Variants in MYO10 observed in about 807,000 individuals in gnomAD.
The protein encoded by MYO10 is myosin X, also known as unconventional myosin-X.
Under a neutral mutation model 257.3 loss-of-function variants are expected in MYO10, and 133 were observed. The ratio of observed to expected loss-of-function variants is 0.52; its 90% CI spans 0.45 to 0.60. The LOEUF (loss-of-function observed/expected upper bound fraction) is 0.60, where lower values mean the gene tolerates loss of function less well. Among genes scored for constraint, MYO10 ranks in the 20% least tolerant of loss-of-function variants. MYO10 has a pLI of 0.00. For synonymous variants in MYO10, 1,104 were observed against 1,028.6 expected (o/e 1.07, Z -1.40); for missense variants, 2,399 against 2,635.7 (o/e 0.91, Z 1.97).
At chr5:16,920,615 C>T (rs1020000145) in intron 1 of MYO10, among the ~76,000 whole-genome samples, 19 of 152,234 alleles carry the variant, frequency 1.2e-4, no homozygotes, top group Admixed American at 1.1e-3. Flanking sequence ...TGTGATAACA[C>T]TGTTCAGAAT....
At chr5:16,726,114 G>A (rs532464949) in intron 19 of MYO10, among the ~76,000 whole-genome samples, 101 of 152,256 alleles carry the variant, frequency 6.6e-4, no homozygotes, top group Middle Eastern at 6.8e-3. Flanking sequence ...TTAAATCCTT[G>A]CAGATCATGC....
intron 1 of MYO10, chr5:16,915,999 A>G (rs1745805857): frequency 2.2e-6 from 1 of 454,464 alleles, no homozygotes; most frequent in Non-Finnish European, 4.4e-6. Flanking sequence ...TACATTTCTT[A>G]TCCTGAATCT....
rs1353625607 is a variant in MYO10 at position 16,683,184 on chromosome 5, AC to A, written c.4046+695del. On this transcript the variant is annotated intron_variant, in intron 30 of 40. Coordinates refer to ENST00000513610, the MANE Select transcript of MYO10 (RefSeq NM_012334.3). ...ACTATATTTTGTTGTCAATTTTAAC[AC>A]ACTCGTATTCACTTTCCAGCATCTT... 5.9e-5 allele frequency among the ~76,000 whole-genome samples: 9 copies of A among 152,326 alleles called. No homozygotes were observed. The East Asian group carries it at 1.7e-3, about 29-fold the overall frequency.
At chr5:16,783,183 T>C (rs767197521) in intron 5 of MYO10, among the ~76,000 whole-genome samples, 152 bp downstream of exon 5, 1 of 152,182 alleles carries the variant, frequency 6.6e-6, no homozygotes, top group Non-Finnish European at 1.5e-5. Flanking sequence ...GAGATATTAC[T>C]ATGTGCATGG....
intron 35 of MYO10, 78 bp downstream of exon 35, chr5:16,674,775 T>G: frequency 1.3e-6 from 2 of 1,522,640 alleles, no homozygotes; most frequent in Non-Finnish European, 1.8e-6. Context: ...CAAAAGCCTC[T>G]TTATCTGAAC....
In MYO10 at chr5:16,823,446, C is replaced by CAGGGGGGGGGG. The variant is rs1554000155; in HGVS notation, c.121-5280_121-5279insCCCCCCCCCCT. 7.2e-4 allele frequency among the ~76,000 whole-genome samples: 3 copies of CAGGGGGGGGGG among 4,192 alleles called. 1 individual carries two copies. Among genetic ancestry groups the CAGGGGGGGGGG allele is most frequent in the Non-Finnish European group, 5.7e-4 (1 of 1,752 alleles). The allele number at this position is 4,192 out of a possible 152,430, so 2.8% of individuals were successfully genotyped here. On this transcript the variant is annotated intron_variant, in intron 2 of 40. Transcript: ENST00000513610. Reference sequence around the variant, plus strand: ...GATGACAGGGCAAGACTCCATCTTGCGCGGGGGGGGGGGGAGTGGGGATTT... The same window carrying CAGGGGGGGGGG: ...GATGACAGGGCAAGACTCCATCTTGCAGGGGGGGGGGGCGGGGGGGGGGGGAGTGGGGATTT...
At chr5:16,808,195 A>C (rs1411646897) in intron 3 of MYO10, among the ~76,000 whole-genome samples, 1 of 152,142 alleles carries the variant, frequency 6.6e-6, no homozygotes, top group Non-Finnish European at 1.5e-5. Context: ...ACGTGTAGTG[A>C]CTCATGCCTG....
chr5:16,762,727 G>T, intron 14 of MYO10, 90 bp from the exon 15 acceptor site: 1 of 892,792 alleles, frequency 1.1e-6, no homozygotes, highest in Non-Finnish European at 1.7e-6. Context: ...ACTTTGGGAA[G>T]CCAAGATGGG....
At chr5:16,935,380 T>C (rs1746406170) in intron 1 of MYO10, among the ~76,000 whole-genome samples, 1 of 152,116 alleles carries the variant, frequency 6.6e-6, no homozygotes, top group Non-Finnish European at 1.5e-5. Context: ...GCAAAGGAAA[T>C]ACCAGACAAG....
chr5:16,669,240 G>C (rs532981281), intron 39 of MYO10, among the ~76,000 whole-genome samples: 1 of 149,902 alleles, frequency 6.7e-6, no homozygotes, highest in South Asian at 2.1e-4. Context: ...TTTTGACGGA[G>C]TCTCACTCTG....
At chr5:16,928,568 G>A (rs145896676) in intron 1 of MYO10, among the ~76,000 whole-genome samples, 3 of 152,112 alleles carry the variant, frequency 2.0e-5, no homozygotes, top group South Asian at 2.1e-4. Flanking sequence ...TTTATGGGCC[G>A]GGCATGACGG....
chr5:16,736,887 A>C (rs1739826132), intron 19 of MYO10, among the ~76,000 whole-genome samples: 1 of 152,112 alleles, frequency 6.6e-6, no homozygotes. Flanking sequence ...GCTCAGCAAA[A>C]TTTGTCGTAG....
At chr5:16,704,469 T>C in intron 22 of MYO10, 110 bp downstream of exon 22, 2 of 900,184 alleles carry the variant, frequency 2.2e-6, no homozygotes, top group South Asian at 3.4e-5. Context: ...AGGCCTGACC[T>C]GAGGCTCCCC....
At chr5:16,758,031 A>G in intron 18 of MYO10, 87 bp downstream of exon 18, 1 of 983,728 alleles carries the variant, frequency 1.0e-6, no homozygotes, top group Non-Finnish European at 1.6e-6. Context: ...AAATATTCTC[A>G]TAGACTTCAC....
At chr5:16,808,306 T>A (rs1008647817) in intron 3 of MYO10, among the ~76,000 whole-genome samples, 3 of 151,902 alleles carry the variant, frequency 2.0e-5, no homozygotes, top group Non-Finnish European at 2.9e-5. Context: ...CTACAAAAAA[T>A]TTTAAAAATA....
rs181787415 is a variant in MYO10 at position 16,811,748 on chromosome 5, G to A, written c.279+6261C>T. 9.5e-4 allele frequency among the ~76,000 whole-genome samples: 144 copies of A among 152,148 alleles called. 1 individual carries two copies. Among genetic ancestry groups the A allele is most frequent in the African/African-American group, 3.4e-3 (140 of 41,518 alleles). On this transcript the variant is annotated intron_variant, in intron 3 of 40. Transcript: ENST00000513610. The stretch of plus-strand genomic sequence containing the variant: ...CAATCTTTTGTAGAGATGGGACTTC[G>A]CCAAATTGCCCAGGCTTGTCTTGAA...
chr5:16,730,732 C>T (rs1038655648), intron 19 of MYO10, among the ~76,000 whole-genome samples: 1 of 152,170 alleles, frequency 6.6e-6, no homozygotes, highest in African/African-American at 2.4e-5. Context: ...GTGGGGGCCA[C>T]ATCTGAAGCA....
At chr5:16,763,969 AC>A (rs1034566218) in intron 12 of MYO10, among the ~76,000 whole-genome samples, 5 of 151,948 alleles carry the variant, frequency 3.3e-5, no homozygotes, top group African/African-American at 4.8e-5. Context: ...GCATGGTGCA[AC>A]CCCGTCTCTA....
chr5:16,717,318 C>T (rs1472960593), intron 19 of MYO10, among the ~76,000 whole-genome samples: 15 of 152,144 alleles, frequency 9.9e-5, no homozygotes, highest in Admixed American at 9.8e-4. Context: ...ATGAAAACTT[C>T]TTTAGGGAAA....
Sources: allele counts gnomAD v4.1 joint callset (sites outside exome capture counted in the v4.1 genomes callset), GRCh38; gene constraint gnomAD v4.1.1; transcripts MANE v1.5; gene names NCBI Gene and HGNC (gene_info 2026-07-23, HGNC 2026-07-21).